The following ZFHX4 variants were observed in gnomAD, a reference collection of about 807,000 sequenced individuals.
The protein encoded by ZFHX4 is zinc finger homeobox 4, also known as zinc finger homeobox protein 4.
ZFHX4 carries 56 observed loss-of-function variants against 267.6 expected under a neutral mutation model. That is an observed-to-expected ratio of 0.21 (90% confidence interval 0.17 to 0.26). ZFHX4 has a LOEUF of 0.26. Among genes scored for constraint, ZFHX4 ranks in the 10% least tolerant of loss-of-function variants. The pLI, the probability that ZFHX4 is intolerant of heterozygous loss-of-function variation, is 1.00. For synonymous variants in ZFHX4, 1,778 were observed against 1,665.6 expected (o/e 1.07, Z -1.64); for missense variants, 4,332 against 4,420.0 (o/e 0.98, Z 0.56).
intron 3 of ZFHX4, among the ~76,000 whole-genome samples, chr8:76,740,849 TA>T (rs1242189096): frequency 1.3e-5 from 2 of 152,108 alleles, no homozygotes; most frequent in Non-Finnish European, 2.9e-5. Flanking sequence ...GAGCAATGAG[TA>T]CAGTTTGTAG....
chr8:76,703,434 A>T (rs1048402014), intron 1 of ZFHX4, among the ~76,000 whole-genome samples: 1 of 152,314 alleles, frequency 6.6e-6, no homozygotes, highest in Non-Finnish European at 1.5e-5. Flanking sequence ...GGCCAGCCAG[A>T]TACCTGCTGA....
At chr8:76,744,489 G>C (rs1253705708) in intron 3 of ZFHX4, among the ~76,000 whole-genome samples, 2 of 151,564 alleles carry the variant, frequency 1.3e-5, no homozygotes, top group Non-Finnish European at 2.9e-5. Context: ...CTCAGCTCAC[G>C]GCAACCTACA....
chr8:76,847,187 T>C (rs950467769), intron 6 of ZFHX4, among the ~76,000 whole-genome samples: 2 of 152,162 alleles, frequency 1.3e-5, no homozygotes, highest in African/African-American at 4.8e-5. Flanking sequence ...TGTTTGTTTT[T>C]TAACACTTCT....
chr8:76,802,435 A>G (rs1585960933), intron 4 of ZFHX4, among the ~76,000 whole-genome samples: 1 of 152,208 alleles, frequency 6.6e-6, no homozygotes, highest in Admixed American at 6.6e-5. Context: ...AAGAAAACGC[A>G]TATGTACTTG....
intron 4 of ZFHX4, among the ~76,000 whole-genome samples, chr8:76,787,638 TAAAAAAAAAAAA>T (rs748402870): frequency 3.2e-5 from 2 of 62,192 alleles, no homozygotes; most frequent in African/African-American, 6.1e-5. Flanking sequence ...CCATCTCCAC[TAAAAAAAAAAAA>T]AAAAAAAAAA....
chr8:76,699,256 A>G (rs1808038571), intron 1 of ZFHX4, among the ~76,000 whole-genome samples: 1 of 152,262 alleles, frequency 6.6e-6, no homozygotes, highest in South Asian at 2.1e-4. Flanking sequence ...TTGTTAAGTT[A>G]TTTGATTTAG....
At position 76,724,218 on chromosome 8, in the gene ZFHX4, G is replaced by T. The variant is rs1338773855; in HGVS notation, c.3093+16170G>T. On this transcript the variant is annotated intron_variant, in intron 3 of 10. Transcript: ENST00000651372. ...GTCAAATTGGGGGACCACTGGACTA[G>T]AAAACTTTGAAGGTTGCTTGTAGAT... Among the ~76,000 whole-genome samples the T allele has an allele frequency of 2.6e-5, 4 of 152,038 alleles. No individual in the cohort carries two copies. In the East Asian group the frequency reaches 7.7e-4, roughly 29 times the overall value.
Position 76,855,543 on chromosome 8 carries a change from TTTC to T in ZFHX4, c.8623_8625del (p.Phe2875del). On this transcript the variant is annotated inframe_deletion, in exon 10 of 11. Coordinates refer to ENST00000651372, the MANE Select transcript of ZFHX4 (RefSeq NM_024721.5). ...TTTCTCTCACAAGCCCATCCATCCA[TTTC>T]AATGACAAAGATGGCGACCACGACC... is the stretch of plus-strand genomic sequence containing the variant. 1 of 1,613,880 alleles carries T rather than the reference TTTC, an allele frequency of 6.2e-7. No homozygotes were observed.
At chr8:76,794,384 A>G (rs1277809468) in intron 4 of ZFHX4, among the ~76,000 whole-genome samples, 4 of 152,142 alleles carry the variant, frequency 2.6e-5, no homozygotes, top group African/African-American at 9.6e-5. Context: ...AGAGGTTCTT[A>G]TGCATTTCAT....
At chr8:76,758,593 T>G (rs947894945) in intron 3 of ZFHX4, among the ~76,000 whole-genome samples, 1 of 152,060 alleles carries the variant, frequency 6.6e-6, no homozygotes. Context: ...CTCCCAGGCT[T>G]TAGCAATCCT....
At chr8:76,777,519 G>GT (rs1810429813) in intron 3 of ZFHX4, among the ~76,000 whole-genome samples, 1 of 152,146 alleles carries the variant, frequency 6.6e-6, no homozygotes, top group Non-Finnish European at 1.5e-5. Context: ...AAACATTTTT[G>GT]TTTATAGAAA....
intron 4 of ZFHX4, among the ~76,000 whole-genome samples, chr8:76,829,924 G>A (rs893229882): frequency 6.6e-6 from 1 of 152,080 alleles, no homozygotes; most frequent in African/African-American, 2.4e-5. Context: ...AGGCCTGAAC[G>A]AGAATGACAA....
rs1255775444 is a variant in ZFHX4 at position 76,850,378 on chromosome 8, A to C, written c.3964+16A>C. 5 of 1,588,920 alleles carry C rather than the reference A, an allele frequency of 3.1e-6. No individual in the cohort carries two copies. The African/African-American group carries it at 6.7e-5, about 21-fold the overall frequency. The stretch of plus-strand genomic sequence containing the variant: ...AAATATTCAGGTATGCCATCTTATC[A>C]TCAAGACTTGTGAACAATACGCTTA... On this transcript the variant is annotated intron_variant, in intron 9 of 10. Coordinates refer to ENST00000651372, the MANE Select transcript of ZFHX4 (RefSeq NM_024721.5).
At chr8:76,749,930 A>G (rs902944659) in intron 3 of ZFHX4, among the ~76,000 whole-genome samples, 1 of 152,224 alleles carries the variant, frequency 6.6e-6, no homozygotes, top group African/African-American at 2.4e-5. Context: ...CAGAGTCAGT[A>G]GCAAATGCAT....
At chr8:76,715,127 T>C (rs1808530613) in intron 3 of ZFHX4, among the ~76,000 whole-genome samples, 1 of 152,160 alleles carries the variant, frequency 6.6e-6, no homozygotes, top group Non-Finnish European at 1.5e-5. Flanking sequence ...AGTTAGGACA[T>C]ATATGTAGTT....
rs1427332152 is a variant in ZFHX4, at chr8:76,853,312, C to T, written c.6391C>T (p.Arg2131Cys). The T allele has an allele frequency of 1.9e-6, 3 of 1,612,880 alleles. No individual in the cohort carries two copies. Among genetic ancestry groups the T allele is most frequent in the South Asian group, 2.2e-5 (2 of 90,926 alleles). The change falls in exon 10 of 11, where the codon CGC becomes TGC. Residue 2131 changes from arginine (R) to cysteine (C), a missense_variant. Coordinates refer to ENST00000651372, the MANE Select transcript of ZFHX4 (RefSeq NM_024721.5). The part of the protein sequence containing the change: ...PNFLRHSQFK[R>C]PRTRITDDQL... ...CTTCTTAAGACATTCTCAGTTCAAA[C>T]GCCCACGGACAAGAATTACAGATGA...
chr8:76,810,846 G>A, intron 4 of ZFHX4, among the ~76,000 whole-genome samples: 1 of 151,960 alleles, frequency 6.6e-6, no homozygotes. Context: ...GAAATACATA[G>A]AGGCACTTTA....
At chr8:76,792,052 A>T (rs1248088634) in intron 4 of ZFHX4, among the ~76,000 whole-genome samples, 1 of 152,126 alleles carries the variant, frequency 6.6e-6, no homozygotes, top group African/African-American at 2.4e-5. Context: ...TGATGACCTT[A>T]TATATTCGTT....
intron 3 of ZFHX4, among the ~76,000 whole-genome samples, chr8:76,726,381 CT>C (rs1808853622): frequency 6.6e-6 from 1 of 152,010 alleles, no homozygotes; most frequent in South Asian, 2.1e-4. Flanking sequence ...TATTGATACC[CT>C]TTTGTCAGAC....
Sources: allele counts gnomAD v4.1 joint callset (sites outside exome capture counted in the v4.1 genomes callset), GRCh38; gene constraint gnomAD v4.1.1; transcripts MANE v1.5; gene names NCBI Gene and HGNC (gene_info 2026-07-23, HGNC 2026-07-21).